The following C14orf39 variants were observed in gnomAD, a reference collection of about 807,000 sequenced individuals.
C14orf39 encodes chromosome 14 open reading frame 39.
C14orf39 carries 66 observed loss-of-function variants against 85.6 expected under a neutral mutation model. That is an observed-to-expected ratio of 0.77 (90% CI 0.63 to 0.95). The LOEUF is 0.95. C14orf39 is among the 40% of genes least tolerant of loss of function. The pLI, the probability that C14orf39 is intolerant of heterozygous loss-of-function variation, is 0.00. For missense variants in C14orf39, 735 were observed against 663.9 expected (o/e 1.11, Z -1.18); for synonymous variants, 242 against 214.0 (o/e 1.13, Z -1.14).
At chr14:60,514,499 A>C (rs1040162865) in intron 1 of C14orf39, among the ~76,000 whole-genome samples, 1 of 152,130 alleles carries the variant, frequency 6.6e-6, no homozygotes, top group Non-Finnish European at 1.5e-5. Context: ...ACCAAAAAAA[A>C]CGACGGCCCC....
At chr14:60,511,020 G>A (rs1893282966) in intron 1 of C14orf39, 1 of 1,540,178 alleles carries the variant, frequency 6.5e-7, no homozygotes, top group East Asian at 2.3e-5. Flanking sequence ...GCAGGAGGTG[G>A]TGGGGGCGGG....
chr14:60,461,636 A>C (rs761587946), intron 11 of C14orf39, 43 bp from the exon 12 acceptor site: 2 of 1,356,880 alleles, frequency 1.5e-6, no homozygotes, highest in South Asian at 1.6e-5. Context: ...TACACAAAGC[A>C]ATAAAAATTT....
intron 17 of C14orf39, among the ~76,000 whole-genome samples, chr14:60,437,498 CTTTA>C (rs1306866896): frequency 6.6e-6 from 1 of 151,888 alleles, no homozygotes; most frequent in East Asian, 1.9e-4. Flanking sequence ...GGAATCTGGA[CTTTA>C]TTTAGTAGAT....
rs201260265 is a variant in C14orf39 at position 60,465,988 on chromosome 14, A to G, written c.963T>C (p.Asn321=). 4.5e-6 allele frequency: 7 copies of G among 1,552,506 alleles called. No individual in the cohort carries two copies. Among genetic ancestry groups the G allele is most frequent in the Non-Finnish European group, 3.5e-6 (4 of 1,152,864 alleles). Residue 321 remains asparagine (N), a synonymous_variant, in exon 11 of 18, where the codon AAT becomes AAC. Transcript: ENST00000321731. ...LANIDFRQKE[N]DTQIFNDSAV... ...AAAGTGAGACACCTACCTGTGTATC[A>G]TTTTCTTTTTGTCTAAAGTCAATAT...
chr14:60,463,325 A>G (rs1333283767), intron 11 of C14orf39, among the ~76,000 whole-genome samples: 1 of 152,102 alleles, frequency 6.6e-6, no homozygotes, highest in Non-Finnish European at 1.5e-5. Flanking sequence ...TATATAGTAT[A>G]CATTGTGGAT....
At chr14:60,457,750 C>T (rs1439462409) in intron 14 of C14orf39, among the ~76,000 whole-genome samples, 6 of 151,812 alleles carry the variant, frequency 4.0e-5, no homozygotes, top group African/African-American at 1.4e-4. Flanking sequence ...TTATTTTAAC[C>T]TTTAATAGTT....
chr14:60,463,157 C>A (rs542892457), intron 11 of C14orf39, among the ~76,000 whole-genome samples: 1 of 152,104 alleles, frequency 6.6e-6, no homozygotes, highest in Non-Finnish European at 1.5e-5. Context: ...AAACCAGGCA[C>A]TTCAGTGGTT....
intron 4 of C14orf39, among the ~76,000 whole-genome samples, chr14:60,483,267 C>A (rs938988440): frequency 2.0e-5 from 3 of 152,006 alleles, no homozygotes; most frequent in African/African-American, 4.8e-5. Flanking sequence ...GTATTTGTTT[C>A]AAAATGTCTA....
chr14:60,455,889 G>A (rs919541254), intron 15 of C14orf39, among the ~76,000 whole-genome samples: 1 of 152,066 alleles, frequency 6.6e-6, no homozygotes, highest in Non-Finnish European at 1.5e-5. Context: ...GAAATCTGAT[G>A]ATACTGCCAT....
intron 16 of C14orf39, among the ~76,000 whole-genome samples, chr14:60,452,785 C>T (rs750270499): frequency 1.3e-5 from 2 of 149,146 alleles, no homozygotes; most frequent in Admixed American, 1.3e-4. Context: ...ATCTACTATG[C>T]ACCCATAAAA....
chr14:60,492,901 T>C (rs1893012112), intron 2 of C14orf39, among the ~76,000 whole-genome samples: 1 of 152,208 alleles, frequency 6.6e-6, no homozygotes, highest in African/African-American at 2.4e-5. Flanking sequence ...CATAATTACA[T>C]GGCATCAGTC....
chr14:60,447,246 G>A (rs1405039194), intron 16 of C14orf39, among the ~76,000 whole-genome samples: 12 of 152,282 alleles, frequency 7.9e-5, no homozygotes, highest in Non-Finnish European at 5.9e-5. Context: ...AATAGGAAAA[G>A]AGGAAGTCAA....
chr14:60,456,690 C>T (rs949723383), intron 15 of C14orf39, among the ~76,000 whole-genome samples: 1 of 152,050 alleles, frequency 6.6e-6, no homozygotes, highest in Non-Finnish European at 1.5e-5. Context: ...GTCTATGAAA[C>T]AGGAACAGCA....
chr14:60,478,232 C>T (rs1892486692), intron 5 of C14orf39, 68 bp downstream of exon 5: 1 of 490,258 alleles, frequency 2.0e-6, no homozygotes, highest in Admixed American at 3.7e-5. Flanking sequence ...TTTCAACTGA[C>T]ATTCTTACAC....
intron 16 of C14orf39, among the ~76,000 whole-genome samples, chr14:60,448,525 G>A (rs1031580093): frequency 5.9e-5 from 9 of 152,084 alleles, no homozygotes; most frequent in African/African-American, 2.2e-4. Context: ...AAAAAGTCAG[G>A]AAACAACAGA....
chr14:60,509,471 G>C, intron 1 of C14orf39: 1 of 1,600,814 alleles, frequency 6.2e-7, no homozygotes, highest in Non-Finnish European at 8.5e-7. Context: ...GGAAGAGAGC[G>C]GCGATGTGGA....
intron 17 of C14orf39, among the ~76,000 whole-genome samples, chr14:60,440,630 C>T (rs570385333): frequency 1.3e-5 from 2 of 152,224 alleles, no homozygotes; most frequent in African/African-American, 4.8e-5. Context: ...TCTTTTAAAA[C>T]CTGTCAGATC....
intron 10 of C14orf39, among the ~76,000 whole-genome samples, chr14:60,466,496 C>A (rs551843692): frequency 6.6e-6 from 1 of 151,898 alleles, no homozygotes; most frequent in African/African-American, 2.4e-5. Context: ...TTGCACCAAC[C>A]TAATAGTTAA....
At position 60,511,176 on chromosome 14, in the gene C14orf39, C is replaced by G. The variant is rs752483519; in HGVS notation, c.-144+4219G>C. The stretch of plus-strand genomic sequence containing the variant: ...GAGGTGCTGGGCGTCGCCACCAGCC[C>G]GGCCGCCAGTCTATCCAGCAAGGCG... On this transcript the variant is annotated intron_variant, in intron 1 of 5. Transcript: ENST00000556799. 15 of 1,611,972 alleles carry G rather than the reference C, an allele frequency of 9.3e-6. No homozygotes were observed. The South Asian group carries it at 1.4e-4, about 15-fold the overall frequency.
Sources: gnomAD v4.1 joint callset for allele counts (sites outside exome capture counted in the v4.1 genomes callset) on GRCh38, gnomAD v4.1.1 for gene constraint, MANE v1.5 for transcripts, NCBI Gene and HGNC (gene_info 2026-07-23, HGNC 2026-07-21) for gene names.